KIF5C: variants seen among roughly 807,000 people sequenced by gnomAD.
KIF5C encodes the protein kinesin family member 5C, also known as kinesin heavy chain isoform 5C.
A neutral mutation model predicts 125.2 loss-of-function variants in KIF5C; 18 were observed. The observed-to-expected ratio is 0.14, with a 90% confidence interval of 0.10 to 0.21. The LOEUF is 0.21. Ranked by LOEUF, KIF5C falls within the 10% of genes least tolerant of loss-of-function variation. KIF5C has a pLI of 1.00. For missense variants in KIF5C, 780 were observed against 1,183.8 expected (o/e 0.66, Z 5.01); for synonymous variants, 405 against 434.0 (o/e 0.93, Z 0.83).
At chr2:148,999,352 C>T (rs980989373) in intron 19 of KIF5C, among the ~76,000 whole-genome samples, 7 of 148,980 alleles carry the variant, frequency 4.7e-5, no homozygotes, top group African/African-American at 1.7e-4. Context: ...TACTTAAGGT[C>T]ACATTGCTAA....
intron 10 of KIF5C, among the ~76,000 whole-genome samples, chr2:148,951,325 T>C (rs928419335): frequency 2.0e-5 from 3 of 152,120 alleles, no homozygotes; most frequent in Admixed American, 6.5e-5. Context: ...TTTTAAAAAT[T>C]CCCACATGAG....
intron 12 of KIF5C, among the ~76,000 whole-genome samples, chr2:148,976,675 A>T (rs970145359): frequency 2.0e-5 from 3 of 151,914 alleles, no homozygotes; most frequent in Middle Eastern, 3.4e-3. Flanking sequence ...TCCAGGCTCA[A>T]GCCATCCACC....
chr2:148,922,197 T>C lies in KIF5C; in HGVS notation c.187T>C (p.Tyr63His). Residue 63 changes from tyrosine (Y) to histidine (H), a missense_variant, in exon 2 of 26, where the codon TAC becomes CAC. Around this residue, in one of 2 missense-constraint regions of KIF5C, gnomAD observed 207 missense variants for 441.2 expected, o/e 0.47. Transcript: ENST00000435030. ...LPPNTTQEQVYNACAKQIVKD... is the reference protein window; with the variant it reads ...LPPNTTQEQVHNACAKQIVKD... ...TCCCAACACGACCCAAGAGCAGGTT[T>C]ACAATGCATGTGCGAAGCAAATTGT... 6.2e-7 allele frequency: 1 copy of C among 1,613,226 alleles called. No homozygotes were observed. Among genetic ancestry groups the C allele is most frequent in the Non-Finnish European group, 8.5e-7 (1 of 1,179,484 alleles).
intron 1 of KIF5C, among the ~76,000 whole-genome samples, chr2:148,899,788 A>G (rs1182609329): frequency 1.3e-5 from 2 of 151,804 alleles, no homozygotes; most frequent in Non-Finnish European, 2.9e-5. Flanking sequence ...TGGTTGCAAT[A>G]GATTTCCTCA....
intron 24 of KIF5C, among the ~76,000 whole-genome samples, chr2:149,011,099 C>T (rs1682180347): frequency 2.0e-5 from 3 of 150,834 alleles, no homozygotes; most frequent in South Asian, 2.1e-4. Flanking sequence ...AGCAGTTTCA[C>T]GTTTCTAGTT....
chr2:148,945,272 T>C (rs1006470837), intron 7 of KIF5C, among the ~76,000 whole-genome samples: 1 of 152,186 alleles, frequency 6.6e-6, no homozygotes, highest in Non-Finnish European at 1.5e-5. Context: ...TTAGTTTTTA[T>C]ATGTAGGTAT....
At chr2:148,997,185 CT>C (rs1401381020) in intron 17 of KIF5C, 78 bp from the exon 18 acceptor site, 1 of 1,533,204 alleles carries the variant, frequency 6.5e-7, no homozygotes, top group Non-Finnish European at 8.8e-7. Flanking sequence ...ATTTTTCTTG[CT>C]TTTTGTTTTT....
intron 21 of KIF5C, among the ~76,000 whole-genome samples, chr2:149,001,601 C>CT (rs1249512786): frequency 6.6e-6 from 1 of 152,188 alleles, no homozygotes. Context: ...TTGGTTTTCT[C>CT]TGTCGTGTGT....
intron 1 of KIF5C, among the ~76,000 whole-genome samples, chr2:148,902,126 C>T (rs1680929135): frequency 1.3e-5 from 2 of 152,134 alleles, no homozygotes; most frequent in Admixed American, 6.5e-5. Context: ...GAAATCCTTT[C>T]TTTCCCCTCC....
chr2:148,931,206 A>C (rs1682178017), intron 3 of KIF5C, among the ~76,000 whole-genome samples: 1 of 152,216 alleles, frequency 6.6e-6, no homozygotes, highest in South Asian at 2.1e-4. Context: ...AAAATCCCCC[A>C]AAATCTCTTG....
At chr2:148,916,418 C>T (rs1305363662) in intron 1 of KIF5C, among the ~76,000 whole-genome samples, 2 of 152,128 alleles carry the variant, frequency 1.3e-5, no homozygotes, top group Non-Finnish European at 2.9e-5. Flanking sequence ...TTAAATGGCC[C>T]CTGTGCTCTG....
chr2:148,941,806 A>G (rs1682413171), intron 5 of KIF5C, 129 bp from the exon 6 acceptor site: 1 of 1,455,110 alleles, frequency 6.9e-7, no homozygotes, highest in African/African-American at 1.4e-5. Flanking sequence ...TTCTCAGCCA[A>G]GGCTTAAACT....
At chr2:149,017,278 C>T (rs185113164) in intron 25 of KIF5C, among the ~76,000 whole-genome samples, 32 of 152,042 alleles carry the variant, frequency 2.1e-4, no homozygotes, top group African/African-American at 3.9e-4. Flanking sequence ...TGTGGGTGGG[C>T]GGTAGATGGG....
chr2:148,942,026 T>C, intron 6 of KIF5C, 36 bp downstream of exon 6: 2 of 1,601,630 alleles, frequency 1.2e-6, no homozygotes, highest in Non-Finnish European at 1.7e-6. Context: ...GCAATTAATT[T>C]CTCTCCAGTC....
chr2:148,882,917 G>A (rs1008338892), intron 1 of KIF5C, among the ~76,000 whole-genome samples: 9 of 152,126 alleles, frequency 5.9e-5, no homozygotes, highest in African/African-American at 2.2e-4. Context: ...CTGTCTCCAA[G>A]ACCCGGAACA....
intron 24 of KIF5C, among the ~76,000 whole-genome samples, chr2:149,010,825 G>A (rs759606633): frequency 3.9e-5 from 6 of 152,222 alleles, no homozygotes; most frequent in Admixed American, 2.0e-4. Context: ...CCATGACAGG[G>A]TGTGGCTACA....
At chr2:148,989,648 A>T (rs1234472622) in intron 15 of KIF5C, among the ~76,000 whole-genome samples, 1 of 151,228 alleles carries the variant, frequency 6.6e-6, no homozygotes, top group Non-Finnish European at 1.5e-5. Context: ...GCCAACATCT[A>T]TTTTTTTTTA....
chr2:148,875,575 G>GCCCCCCCCCCCTCCCCCCTGCCC lies in KIF5C; in HGVS notation c.-37_-36insCCCCCTCCCCCCTGCCCCCCCCC. On this transcript the variant is annotated 5_prime_UTR_variant, in exon 1 of 26. Coordinates refer to ENST00000435030, the MANE Select transcript of KIF5C (RefSeq NM_004522.3). ...TCCTCCCTCGTCGTTCCCGGCCCCG[G>GCCCCCCCCCCCTCCCCCCTGCCC]CCCCCCACCCATCCCCGTGCCCCCT... The GCCCCCCCCCCCTCCCCCCTGCCC allele has an allele frequency of 1.4e-6, 1 of 699,606 alleles. No individual in the cohort carries two copies. Among genetic ancestry groups the GCCCCCCCCCCCTCCCCCCTGCCC allele is most frequent in the Non-Finnish European group, 2.6e-6 (1 of 389,230 alleles). The allele number at this position is 699,606 out of a possible 1,614,324, so 43.3% of individuals were successfully genotyped here.
intron 8 of KIF5C, among the ~76,000 whole-genome samples, chr2:148,948,132 G>A (rs1682564127): frequency 6.6e-6 from 1 of 151,616 alleles, no homozygotes; most frequent in Admixed American, 6.6e-5. Flanking sequence ...CGGATCATGA[G>A]GTCAGGAGAT....
Sources: gnomAD v4.1 joint callset for allele counts (sites outside exome capture counted in the v4.1 genomes callset) on GRCh38, gnomAD v4.1.1 for gene constraint, gnomAD v4.1.1 regional missense constraint, MANE v1.5 for transcripts, NCBI Gene and HGNC (gene_info 2026-07-23, HGNC 2026-07-21) for gene names.